Variants in STK32B observed in about 807,000 individuals in gnomAD.
STK32B encodes serine/threonine kinase 32B, also known as serine/threonine-protein kinase 32B.
STK32B carries 43 observed loss-of-function variants against 52.6 expected under a neutral mutation model. That is an observed-to-expected ratio of 0.82 (90% CI 0.64 to 1.05). The LOEUF (loss-of-function observed/expected upper bound fraction) is 1.05. Ranked by LOEUF, STK32B falls within the 50% of genes least tolerant of loss-of-function variation. The pLI is 0.00. For missense variants in STK32B, 621 were observed against 534.6 expected (o/e 1.16, Z -1.59); for synonymous variants, 238 against 204.3 (o/e 1.17, Z -1.41).
At chr4:5,078,145 T>C (rs185889862) in intron 1 of STK32B, among the ~76,000 whole-genome samples, 1,548 of 152,116 alleles carry the variant, frequency 0.01, 16 homozygotes, top group Middle Eastern at 0.034. Context: ...CTCTTGCCTC[T>C]TTTATAAGGG....
chr4:5,055,285 G>A (rs1263811442), intron 1 of STK32B, among the ~76,000 whole-genome samples: 1 of 144,974 alleles, frequency 6.9e-6, no homozygotes, highest in Non-Finnish European at 1.5e-5. Context: ...TTTTTTTAGA[G>A]TCAAGGTCTC....
chr4:5,250,214 A>G, intron 3 of STK32B, among the ~76,000 whole-genome samples: 1 of 152,108 alleles, frequency 6.6e-6, no homozygotes, highest in Non-Finnish European at 1.5e-5. Context: ...GCTGCAGTGA[A>G]CATGCATGTG....
chr4:5,196,494 G>A (rs1199924365), intron 3 of STK32B, among the ~76,000 whole-genome samples: 2 of 151,992 alleles, frequency 1.3e-5, no homozygotes, highest in East Asian at 3.9e-4. Context: ...AGGCCACGGT[G>A]CGTAGATCAC....
chr4:5,144,857 C>T (rs1716789503), intron 2 of STK32B, among the ~76,000 whole-genome samples: 2 of 152,104 alleles, frequency 1.3e-5, no homozygotes, highest in African/African-American at 4.8e-5. Context: ...CCAATTTGCT[C>T]TGGGCCCTAT....
Position 5,398,588 on chromosome 4 carries a change from C to T in STK32B, c.472+344C>T, listed in dbSNP as rs1737074914. ...TTCAGAAGTCACCCACCTCTCTGAG[C>T]CTCAGTGTAATTTTCTGTAAACTGG... On this transcript the variant is annotated intron_variant, in intron 5 of 11. Coordinates refer to ENST00000282908, the MANE Select transcript of STK32B (RefSeq NM_018401.3). The surrounding 1 kb of genome is among the most constrained non-coding windows in gnomAD (Gnocchi z 4.9). Among the ~76,000 whole-genome samples the T allele has an allele frequency of 6.6e-6, 1 of 152,178 alleles. No individual in the cohort carries two copies. The highest frequency in any genetic ancestry group is 2.4e-5 in the African/African-American group (1 of 41,438).
intron 3 of STK32B, among the ~76,000 whole-genome samples, chr4:5,266,580 C>T (rs1291541734): frequency 6.6e-6 from 1 of 152,196 alleles, no homozygotes; most frequent in Admixed American, 6.5e-5. Flanking sequence ...AAGGAACATA[C>T]AGTGATTCTG....
rs558781485 is a variant in STK32B, at chr4:5,407,720, A to C, written c.473-9125A>C. Among the ~76,000 whole-genome samples, 169 of 152,232 alleles carry C rather than the reference A, an allele frequency of 1.1e-3. 7 individuals carry two copies. In the South Asian group the frequency reaches 0.033, roughly 30 times the overall value. On this transcript the variant is annotated intron_variant, in intron 5 of 11. Coordinates refer to ENST00000282908, the MANE Select transcript of STK32B (RefSeq NM_018401.3). Reference sequence around the variant, plus strand: ...ATCTTGTGGGAACTCACTCACTAGTACAAAAACAGCAAGGGGGAAATCCAA... The same window carrying C: ...ATCTTGTGGGAACTCACTCACTAGTCCAAAAACAGCAAGGGGGAAATCCAA...
chr4:5,214,648 AACTT>A (rs1450661086), intron 3 of STK32B, among the ~76,000 whole-genome samples: 6 of 152,240 alleles, frequency 3.9e-5, no homozygotes, highest in African/African-American at 1.4e-4. Flanking sequence ...TAACACAAGA[AACTT>A]AAGAAGTTAA....
intron 1 of STK32B, among the ~76,000 whole-genome samples, chr4:5,075,208 C>G (rs1442105312): frequency 6.6e-6 from 1 of 152,148 alleles, no homozygotes; most frequent in Non-Finnish European, 1.5e-5. Context: ...ATTTATAACT[C>G]ATAAGACCTT....
intron 2 of STK32B, among the ~76,000 whole-genome samples, chr4:5,164,095 G>A (rs1008290668): frequency 6.6e-6 from 1 of 152,214 alleles, no homozygotes. Context: ...GGGTGGCAGT[G>A]GTGGACCCTT....
chr4:5,181,406 G>T (rs1387838688), intron 3 of STK32B, among the ~76,000 whole-genome samples: 1 of 150,928 alleles, frequency 6.6e-6, no homozygotes, highest in East Asian at 2.0e-4. Context: ...AGTTGCCTCT[G>T]CTGGCACCCT....
At chr4:5,231,645 A>G (rs940732613) in intron 3 of STK32B, among the ~76,000 whole-genome samples, 16 of 152,124 alleles carry the variant, frequency 1.1e-4, no homozygotes, top group Admixed American at 2.6e-4. Context: ...CAAACAAAAA[A>G]CAAAGAAAAG....
At chr4:5,161,832 C>T (rs1279576255) in intron 2 of STK32B, among the ~76,000 whole-genome samples, 1 of 152,082 alleles carries the variant, frequency 6.6e-6, no homozygotes, top group East Asian at 1.9e-4. Flanking sequence ...GTTTTTCTTC[C>T]CCCTACCCCC....
At chr4:5,294,987 G>A (rs187745593) in intron 3 of STK32B, among the ~76,000 whole-genome samples, 18 of 152,136 alleles carry the variant, frequency 1.2e-4, no homozygotes, top group Admixed American at 3.3e-4. Flanking sequence ...GCATGAAGTG[G>A]TGTTGAATTT....
chr4:5,294,170 A>G (rs953809715), intron 3 of STK32B, among the ~76,000 whole-genome samples: 6 of 152,300 alleles, frequency 3.9e-5, no homozygotes, highest in East Asian at 1.9e-4. Context: ...TACCAGTACC[A>G]TGCTGTTTTG....
intron 3 of STK32B, among the ~76,000 whole-genome samples, chr4:5,182,877 C>T (rs758572684): frequency 3.0e-4 from 45 of 152,146 alleles, no homozygotes; most frequent in Admixed American, 2.9e-3. Flanking sequence ...TTGTACATCT[C>T]CATTAGAGCT....
At chr4:5,340,607 A>C (rs1733011004) in intron 4 of STK32B, among the ~76,000 whole-genome samples, 1 of 152,230 alleles carries the variant, frequency 6.6e-6, no homozygotes, top group African/African-American at 2.4e-5. Flanking sequence ...GTGCATCCCA[A>C]GATGGATCTT....
intron 3 of STK32B, among the ~76,000 whole-genome samples, chr4:5,197,150 G>A (rs1016223134): frequency 1.3e-5 from 2 of 152,052 alleles, no homozygotes; most frequent in Admixed American, 6.5e-5. Context: ...GGACAATAGG[G>A]AGGGACAATA....
chr4:5,187,614 C>T (rs967790292), intron 3 of STK32B, among the ~76,000 whole-genome samples: 1 of 12,976 alleles, frequency 7.7e-5, no homozygotes, highest in Non-Finnish European at 1.3e-4. Context: ...TGGCAGGGGC[C>T]GGGCGGGGGA....
Sources: gnomAD v4.1 joint callset for allele counts (sites outside exome capture counted in the v4.1 genomes callset) on GRCh38, gnomAD v4.1.1 for gene constraint, Gnocchi (gnomAD v3.1) non-coding constraint, MANE v1.5 for transcripts, NCBI Gene and HGNC (gene_info 2026-07-23, HGNC 2026-07-21) for gene names.